The following COL15A1 variants were observed in gnomAD, a reference collection of about 807,000 sequenced individuals.
The protein encoded by COL15A1 is collagen alpha-1(XV) chain.
In COL15A1, 111 loss-of-function variants were observed where a neutral mutation model predicts 165.9. The ratio of observed to expected loss-of-function variants is 0.67; its 90% CI spans 0.57 to 0.78. The LOEUF is 0.78. COL15A1 is among the 30% of genes least tolerant of loss of function. The probability of loss-of-function intolerance (pLI) is 0.00; values close to 1 mark genes in which losing one functional copy is unlikely to be tolerated. For synonymous variants in COL15A1, 659 were observed against 674.8 expected (o/e 0.98, Z 0.36); for missense variants, 1,745 against 1,789.7 (o/e 0.98, Z 0.45).
rs376889030 is a variant in COL15A1, at chr9:99,024,994, C to T, written c.1975C>T (p.Pro659Ser). 16 of 1,611,868 alleles carry T rather than the reference C, an allele frequency of 9.9e-6. No homozygotes were observed. The highest frequency in any genetic ancestry group is 1.3e-5 in the Non-Finnish European group (15 of 1,178,644). ...GEDGPAGEPGPPGPEGQPGVD... is the reference protein window; with the variant it reads ...GEDGPAGEPGSPGPEGQPGVD... ...GGATGGACCTGCTGGTGAACCTGGG[C>T]CCCCGGTGAGCAACTGAAGTCTTCT... The change falls in exon 15 of 42, where the codon CCC (proline) becomes TCC (serine). Residue 659 changes from proline (P) to serine (S), a missense_variant. Transcript: ENST00000375001.
chr9:99,049,304 C>T (rs1428572184), intron 28 of COL15A1, among the ~76,000 whole-genome samples: 1 of 152,220 alleles, frequency 6.6e-6, no homozygotes, highest in Non-Finnish European at 1.5e-5. Flanking sequence ...CCCCACAGTC[C>T]ATTCCCACCC....
intron 2 of COL15A1, among the ~76,000 whole-genome samples, chr9:98,980,744 T>G (rs897980115): frequency 6.6e-6 from 1 of 152,248 alleles, no homozygotes; most frequent in Non-Finnish European, 1.5e-5. Context: ...ATGAAATATT[T>G]TCCATGAAAT....
At chr9:99,054,247 G>A (rs542279231) in intron 31 of COL15A1, among the ~76,000 whole-genome samples, 8 of 152,288 alleles carry the variant, frequency 5.3e-5, no homozygotes, top group African/African-American at 1.7e-4. Flanking sequence ...TTCATTTGTG[G>A]CACTGACCAA....
At chr9:99,064,295 A>G (rs1344292009) in intron 39 of COL15A1, among the ~76,000 whole-genome samples, 1 of 152,152 alleles carries the variant, frequency 6.6e-6, no homozygotes, top group Admixed American at 6.5e-5. Context: ...TCCCAGCCCA[A>G]TCAAGAGTTA....
intron 2 of COL15A1, among the ~76,000 whole-genome samples, chr9:98,962,843 G>A (rs1392763258): frequency 6.6e-6 from 1 of 152,194 alleles, no homozygotes; most frequent in Admixed American, 6.5e-5. Flanking sequence ...CAAAGCTTTG[G>A]ATTAGAACTG....
chr9:99,065,629 A>T (rs765205132), intron 39 of COL15A1, among the ~76,000 whole-genome samples: 2 of 148,602 alleles, frequency 1.3e-5, no homozygotes, highest in Non-Finnish European at 3.0e-5. Context: ...GGCAGGAAGG[A>T]GATGGGGATG....
chr9:98,986,187 ATTATTG>A lies in COL15A1; in HGVS notation c.648+81_648+86del, dbSNP rs1376636901. ...TCGCCATGCAATAAATGGAGCAACT[ATTATTG>A]TTATTATTTTATTCTTATGTCCTCA... On this transcript the variant is annotated intron_variant, in intron 3 of 41. Transcript: ENST00000375001. The A allele has an allele frequency of 6.4e-6, 7 of 1,091,724 alleles. No individual in the cohort carries two copies. In the African/African-American group the frequency reaches 9.6e-5, roughly 15 times the overall value. The allele number at this position is 1,091,724 out of a possible 1,614,324, so 67.6% of individuals were successfully genotyped here.
At chr9:99,006,506 G>A (rs1838765155) in intron 9 of COL15A1, among the ~76,000 whole-genome samples, 1 of 152,232 alleles carries the variant, frequency 6.6e-6, no homozygotes, top group Non-Finnish European at 1.5e-5. Context: ...TAGCATCCAT[G>A]CTGGGAGACC....
intron 5 of COL15A1, among the ~76,000 whole-genome samples, chr9:98,996,524 C>A (rs1166842486): frequency 2.0e-5 from 3 of 152,222 alleles, no homozygotes; most frequent in Admixed American, 2.0e-4. Flanking sequence ...TAGGTGTTTT[C>A]ATATCTGGCA....
chr9:98,958,763 C>T lies in COL15A1; in HGVS notation c.100+14513C>T, dbSNP rs994542631. 3.3e-5 allele frequency among the ~76,000 whole-genome samples: 5 copies of T among 152,108 alleles called. No homozygotes were observed. In the South Asian group the frequency reaches 8.3e-4, roughly 25 times the overall value. On this transcript the variant is annotated intron_variant, in intron 2 of 41. Transcript: ENST00000375001. ...CGGAGGGAAGTTCTCTAAGATGCCC[C>T]GCACTGGTTTAGTGGCTCGGATTCC...
chr9:98,947,400 A>G (rs74973615), intron 2 of COL15A1, among the ~76,000 whole-genome samples: 1 of 152,174 alleles, frequency 6.6e-6, no homozygotes, highest in Non-Finnish European at 1.5e-5. Context: ...AAGGGGCATG[A>G]GGAAACTTTT....
chr9:98,964,058 A>G (rs569597768), intron 2 of COL15A1, among the ~76,000 whole-genome samples: 2 of 152,386 alleles, frequency 1.3e-5, no homozygotes, highest in Admixed American at 1.3e-4. Flanking sequence ...AGAGAAGTTA[A>G]AGAACATGCC....
At position 99,000,633 on chromosome 9, in the gene COL15A1, G is replaced by A. The variant is rs113842002; in HGVS notation, c.953-206G>A. ...AAGGAACTTGAGGCAGAAGTTGAGC[G>A]ACTTGCCTGCAGGTGGTGCCAGAGC... On this transcript the variant is annotated intron_variant, in intron 6 of 41. Transcript: ENST00000375001. Among the ~76,000 whole-genome samples, 1,221 of 152,266 alleles carry A rather than the reference G, an allele frequency of 8.0e-3. 7 individuals are homozygous for A. The highest frequency in any genetic ancestry group is 0.014 in the Middle Eastern group (4 of 294).
chr9:98,984,416 G>T (rs1176147917), intron 2 of COL15A1, among the ~76,000 whole-genome samples: 1 of 152,236 alleles, frequency 6.6e-6, no homozygotes. Flanking sequence ...TCCCTGCAAG[G>T]TGTGGTGGCA....
intron 2 of COL15A1, among the ~76,000 whole-genome samples, chr9:98,962,260 A>G (rs1837877030): frequency 6.6e-6 from 1 of 152,194 alleles, no homozygotes; most frequent in Non-Finnish European, 1.5e-5. Flanking sequence ...AGGTTTTTAG[A>G]TGCTTTCACT....
chr9:98,976,873 G>A (rs1838149623), intron 2 of COL15A1, among the ~76,000 whole-genome samples: 1 of 152,140 alleles, frequency 6.6e-6, no homozygotes, highest in African/African-American at 2.4e-5. Flanking sequence ...CAGACTACCT[G>A]GTGGGGGAAT....
chr9:99,015,323 T>C, intron 9 of COL15A1, 94 bp from the exon 10 acceptor site: 1 of 805,428 alleles, frequency 1.2e-6, no homozygotes, highest in Admixed American at 1.9e-5. Flanking sequence ...TCCAGTTATC[T>C]GAGGCTTTAG....
intron 8 of COL15A1, among the ~76,000 whole-genome samples, chr9:99,003,979 A>G (rs1329136166): frequency 6.6e-6 from 1 of 152,148 alleles, no homozygotes; most frequent in African/African-American, 2.4e-5. Context: ...CTGAGAGGGT[A>G]AGTAGAAGTC....
chr9:98,990,777 C>T (rs1165119587), intron 5 of COL15A1, among the ~76,000 whole-genome samples: 1 of 152,178 alleles, frequency 6.6e-6, no homozygotes, highest in African/African-American at 2.4e-5. Flanking sequence ...ACTGGCATTT[C>T]TTGATACCAC....
Sources: allele counts gnomAD v4.1 joint callset (sites outside exome capture counted in the v4.1 genomes callset), GRCh38; gene constraint gnomAD v4.1.1; transcripts MANE v1.5; gene names NCBI Gene and HGNC (gene_info 2026-07-23, HGNC 2026-07-21).